EPHA3: variants seen among roughly 807,000 people sequenced by gnomAD.
EPHA3 encodes EPH receptor A3.
EPHA3 carries 42 observed loss-of-function variants against 107.1 expected under a neutral mutation model. The observed-to-expected ratio is 0.39, with a 90% CI of 0.31 to 0.51. EPHA3 has a LOEUF of 0.51. Ranked by LOEUF, EPHA3 falls within the 20% of genes least tolerant of loss-of-function variation. EPHA3 has a pLI of 0.78. For missense variants in EPHA3, 1,183 were observed against 1,211.2 expected (o/e 0.98, Z 0.35); for synonymous variants, 461 against 424.8 (o/e 1.09, Z -1.05).
intron 2 of EPHA3, among the ~76,000 whole-genome samples, chr3:89,132,984 A>G (rs1169865442): frequency 2.6e-5 from 4 of 152,210 alleles, no homozygotes; most frequent in Non-Finnish European, 5.9e-5. Context: ...TTTAGAGCAA[A>G]TGAGATTTGA....
intron 10 of EPHA3, among the ~76,000 whole-genome samples, chr3:89,417,434 G>T (rs1388431069): frequency 6.6e-6 from 1 of 151,536 alleles, no homozygotes; most frequent in South Asian, 2.1e-4. Flanking sequence ...TATGATAATG[G>T]CAGAACTTTC....
At chr3:89,216,666 A>G (rs997111130) in intron 3 of EPHA3, among the ~76,000 whole-genome samples, 1 of 152,022 alleles carries the variant, frequency 6.6e-6, no homozygotes, top group Non-Finnish European at 1.5e-5. Context: ...CTGTTAAAGC[A>G]TACATGTTAT....
intron 5 of EPHA3, among the ~76,000 whole-genome samples, chr3:89,352,902 C>CAAAAAAAAAAAAAAAAAAA (rs1215369952): frequency 2.7e-4 from 11 of 40,996 alleles, no homozygotes; most frequent in African/African-American, 1.1e-3. Context: ...GACTCTGTCT[C>CAAAAAAAAAAAAAAAAAAA]AAAAAAAAAA....
intron 1 of EPHA3, 40 bp downstream of exon 1, chr3:89,107,876 G>A (rs764139909): frequency 1.3e-6 from 2 of 1,590,068 alleles, no homozygotes; most frequent in East Asian, 2.2e-5. Context: ...CTGCCCCGCG[G>A]GGCTCACGCT....
intron 3 of EPHA3, among the ~76,000 whole-genome samples, chr3:89,269,730 A>C (rs1408827521): frequency 6.8e-6 from 1 of 146,284 alleles, no homozygotes. Context: ...CATTAGGTAT[A>C]TCTCCCAATG....
At chr3:89,121,572 C>T (rs1412055131) in intron 1 of EPHA3, among the ~76,000 whole-genome samples, 1 of 152,070 alleles carries the variant, frequency 6.6e-6, no homozygotes, top group African/African-American at 2.4e-5. Context: ...TCCTGGCCAA[C>T]ATAGTGAAAC....
intron 3 of EPHA3, among the ~76,000 whole-genome samples, chr3:89,258,312 C>T (rs7629132): frequency 0.24 from 37,050 of 152,030 alleles, 4,970 homozygotes; most frequent in African/African-American, 0.38. Flanking sequence ...GTGATCTTGA[C>T]TGGATTTTTG....
intron 13 of EPHA3, among the ~76,000 whole-genome samples, chr3:89,437,519 T>A (rs1490255279): frequency 6.6e-6 from 1 of 152,196 alleles, no homozygotes; most frequent in Non-Finnish European, 1.5e-5. Flanking sequence ...ATTTTTGCCC[T>A]GGTCTACTAA....
intron 3 of EPHA3, among the ~76,000 whole-genome samples, chr3:89,234,867 T>G (rs1247952842): frequency 7.5e-6 from 1 of 132,684 alleles, no homozygotes; most frequent in South Asian, 2.7e-4. Context: ...CCTTCTTTCC[T>G]TCTCTTCCTT....
intron 3 of EPHA3, among the ~76,000 whole-genome samples, chr3:89,247,881 A>T (rs758164977): frequency 6.6e-6 from 1 of 152,200 alleles, no homozygotes; most frequent in Non-Finnish European, 1.5e-5. Flanking sequence ...GACTAAAAAA[A>T]GTAGAGACAG....
intron 3 of EPHA3, among the ~76,000 whole-genome samples, chr3:89,288,718 A>T (rs1430716910): frequency 2.0e-5 from 3 of 152,176 alleles, no homozygotes; most frequent in Admixed American, 6.5e-5. Flanking sequence ...TATTAAACTC[A>T]AAAGCACCAT....
chr3:89,407,559 C>A (rs898759341), intron 8 of EPHA3, among the ~76,000 whole-genome samples, 188 bp downstream of exon 8: 1 of 152,106 alleles, frequency 6.6e-6, no homozygotes, highest in African/African-American at 2.4e-5. Flanking sequence ...TGATTTTCTG[C>A]TCTACATTAA....
chr3:89,378,315 T>C (rs1316531645), intron 5 of EPHA3, among the ~76,000 whole-genome samples: 1 of 152,160 alleles, frequency 6.6e-6, no homozygotes, highest in Admixed American at 6.5e-5. Context: ...AATCCATTCA[T>C]TTCAAGTGGA....
chr3:89,356,813 C>T (rs1444581153), intron 5 of EPHA3, among the ~76,000 whole-genome samples: 1 of 150,580 alleles, frequency 6.6e-6, no homozygotes, highest in Non-Finnish European at 1.5e-5. Context: ...ACCAAAGGCA[C>T]ACATAAAATA....
rs1195951459 is a variant in EPHA3, at chr3:89,449,234, A to T, written c.2356A>T (p.Ile786Phe). The change falls in exon 14 of 17, where the codon ATC (isoleucine) becomes TTC (phenylalanine). Residue 786 changes from isoleucine to phenylalanine, a missense_variant. By Grantham distance (21) the Ile-to-Phe change is conservative (BLOSUM62 0). Transcript: ENST00000336596. ...EAAYTTRGGKIPIRWTSPEAI... is the reference protein window; with the variant it reads ...EAAYTTRGGKFPIRWTSPEAI... ...GATTTTATATTCAAAGGGAGGGAAG[A>T]TCCCAATCAGGTGGACATCACCAGA... The T allele has an allele frequency of 6.2e-7, 1 of 1,604,548 alleles. No individual in the cohort carries two copies. The highest frequency in any genetic ancestry group is 1.1e-5 in the South Asian group (1 of 89,844).
chr3:89,190,002 G>A (rs563803987), intron 2 of EPHA3, among the ~76,000 whole-genome samples: 7 of 152,084 alleles, frequency 4.6e-5, no homozygotes, highest in Admixed American at 1.3e-4. Context: ...CAGGTACCTC[G>A]TTCAGAAATT....
intron 5 of EPHA3, among the ~76,000 whole-genome samples, chr3:89,356,727 A>G (rs1269922923): frequency 6.6e-6 from 1 of 151,202 alleles, no homozygotes; most frequent in African/African-American, 2.4e-5. Context: ...GAGGTGCCCT[A>G]CATAGGATGT....
At chr3:89,129,756 G>A (rs940028500) in intron 2 of EPHA3, among the ~76,000 whole-genome samples, 3 of 151,706 alleles carry the variant, frequency 2.0e-5, no homozygotes, top group African/African-American at 7.3e-5. Context: ...AATATGACAA[G>A]GATAGATTAG....
chr3:89,304,846 A>G (rs1383853448), intron 3 of EPHA3, among the ~76,000 whole-genome samples: 1 of 152,124 alleles, frequency 6.6e-6, no homozygotes, highest in Non-Finnish European at 1.5e-5. Flanking sequence ...TCTTCTACTT[A>G]CTGATTAATC....
Sources: gnomAD v4.1 joint callset for allele counts (sites outside exome capture counted in the v4.1 genomes callset) on GRCh38, gnomAD v4.1.1 for gene constraint, MANE v1.5 for transcripts, NCBI Gene and HGNC (gene_info 2026-07-23, HGNC 2026-07-21) for gene names.